Variants in BTD observed in about 807,000 individuals in gnomAD.
The protein encoded by BTD is biotinidase.
Under a neutral mutation model 17.7 loss-of-function variants are expected in BTD, and 13 were observed. The ratio of observed to expected loss-of-function variants is 0.74; its 90% CI spans 0.48 to 1.17. The LOEUF (loss-of-function observed/expected upper bound fraction) is 1.17, where lower values mean the gene tolerates loss of function less well. BTD is among the 50% of genes most tolerant of loss of function. BTD has a pLI of 0.00. For synonymous variants in BTD, 240 were observed against 245.2 expected (o/e 0.98, Z 0.20); for missense variants, 674 against 650.4 (o/e 1.04, Z -0.39).
At chr3:15,677,013 T>G in intron 3 of BTD, 1 of 1,613,420 alleles carries the variant, frequency 6.2e-7, no homozygotes, top group Non-Finnish European at 8.5e-7. Flanking sequence ...GAGGTTTCTA[T>G]CTGTTATCTT....
At chr3:15,717,273 C>T (rs902982840), downstream of BTD, among the ~76,000 whole-genome samples, 4 of 152,168 alleles carry the variant, frequency 2.6e-5, no homozygotes, top group African/African-American at 9.6e-5. Flanking sequence ...ACAACTGGGC[C>T]TGGTTAGAAT....
chr3:15,712,065 A>G (rs2072365955), exon 4 of BTD: 1 of 1,146,838 alleles, frequency 8.7e-7, no homozygotes, highest in African/African-American at 1.5e-5. Context: ...AATTTTTAAA[A>G]AGCAGGATAG....
intron 1 of BTD, among the ~76,000 whole-genome samples, chr3:15,613,628 G>GT (rs762295230): frequency 2.2e-4 from 33 of 150,590 alleles, no homozygotes; most frequent in Admixed American, 4.0e-4. Context: ...AATATAAGCA[G>GT]TTTTTTTTCA....
intron 3 of BTD, among the ~76,000 whole-genome samples, chr3:15,643,519 AGAATCTTTT>A (rs2065595402): frequency 6.6e-6 from 1 of 152,120 alleles, no homozygotes; most frequent in African/African-American, 2.4e-5. Context: ...AAGAAAAAGA[AGAATCTTTT>A]GAATTTTTGC....
chr3:15,661,265 C>CAA (rs56165902), intron 3 of BTD, among the ~76,000 whole-genome samples: 121 of 93,722 alleles, frequency 1.3e-3, no homozygotes, highest in African/African-American at 1.5e-3. Flanking sequence ...GACTCTGTCT[C>CAA]AAAAAAAAAA....
At chr3:15,625,591 C>G (rs2065046652) in intron 1 of BTD, among the ~76,000 whole-genome samples, 1 of 152,160 alleles carries the variant, frequency 6.6e-6, no homozygotes, top group Non-Finnish European at 1.5e-5. Context: ...GAGTCTCACT[C>G]TCATGCCAGG....
intron 1 of BTD, among the ~76,000 whole-genome samples, chr3:15,618,848 A>G (rs918324180): frequency 1.3e-5 from 2 of 152,174 alleles, no homozygotes; most frequent in Admixed American, 6.6e-5. Context: ...TTTAAATTTA[A>G]AAGTCCACTG....
chr3:15,694,206 T>C (rs1019373843), intron 3 of BTD, among the ~76,000 whole-genome samples: 17 of 120,662 alleles, frequency 1.4e-4, no homozygotes, highest in African/African-American at 2.0e-4. Context: ...CATTTAGTGA[T>C]TGACACTGAA....
intron 3 of BTD, chr3:15,677,402 A>AT (rs1476913435): frequency 1.9e-6 from 2 of 1,070,144 alleles, no homozygotes; most frequent in East Asian, 2.4e-5. Flanking sequence ...TGAGTTGTTC[A>AT]TTTTAGTGAA....
intron 3 of BTD, chr3:15,668,355 A>AT (rs879319232): frequency 0.026 from 3,748 of 145,088 alleles, 136 homozygotes; most frequent in African/African-American, 0.082. Context: ...AATCTGCTTG[A>AT]TTTTTTTTTT....
At chr3:15,694,291 A>G (rs908208472) in intron 3 of BTD, among the ~76,000 whole-genome samples, 10 of 152,204 alleles carry the variant, frequency 6.6e-5, no homozygotes, top group African/African-American at 2.4e-4. Context: ...GTGAGCAACT[A>G]AAGGACCAGT....
intron 3 of BTD, chr3:15,679,412 T>C (rs1371797157): frequency 6.2e-7 from 1 of 1,613,334 alleles, no homozygotes; most frequent in Admixed American, 1.7e-5. Context: ...GTGATCATTC[T>C]CACAGCAATG....
At position 15,644,250 on chromosome 3, in the gene BTD, T is replaced by C. The variant is rs2065624603; in HGVS notation, c.400-66T>C. ...CTCCTGACCTCATGATCCACCCGCC[T>C]CAGCCTCCCACAGTGCTGGGATTAC... On this transcript the variant is annotated intron_variant, in intron 3 of 3. Transcript: ENST00000643237. 9.9e-6 allele frequency: 15 copies of C among 1,519,570 alleles called. No individual in the cohort carries two copies. The South Asian group carries it at 1.3e-4, about 13-fold the overall frequency. The allele number at this position is 1,519,570 out of a possible 1,614,324, so 94.1% of individuals were successfully genotyped here. A position where few individuals can be genotyped will look rare whatever the true frequency, so the allele number is the denominator to read the frequency against.
intron 3 of BTD, among the ~76,000 whole-genome samples, chr3:15,666,869 C>T (rs1008497993): frequency 2.0e-5 from 3 of 152,218 alleles, no homozygotes; most frequent in African/African-American, 2.4e-5. Flanking sequence ...TCTTCCATGA[C>T]GCCTGTTCTG....
chr3:15,606,555 G>GA (rs1293894062), intron 1 of BTD: 1 of 152,210 alleles, frequency 6.6e-6, no homozygotes, highest in East Asian at 1.9e-4. Flanking sequence ...GAAGTGCAAT[G>GA]AAAACTGAAC....
Position 15,644,791 on chromosome 3 carries a change from G to A in BTD, c.875G>A (p.Gly292Asp), listed in dbSNP as rs377651057. 1.2e-6 allele frequency: 2 copies of A among 1,614,000 alleles called. No individual in the cohort carries two copies. Among genetic ancestry groups the A allele is most frequent in the Non-Finnish European group, 1.7e-6 (2 of 1,180,042 alleles). The change falls in exon 4 of 4, where the codon GGC (glycine) becomes GAC (aspartate). Residue 292 changes from glycine to aspartate, a missense_variant. Gly to Asp is a moderately conservative substitution (Grantham distance 94). Transcript: ENST00000643237. ...HHPVLGMTGS[G>D]IHTPLESFWY... is the part of the protein sequence containing the mutation. The stretch of plus-strand genomic sequence containing the variant: ...CCAGTTCTGGGGATGACAGGAAGTG[G>A]CATACACACCCCTCTGGAGTCCTTT...
At chr3:15,682,080 C>CA (rs1305641635) in intron 3 of BTD, among the ~76,000 whole-genome samples, 7 of 150,768 alleles carry the variant, frequency 4.6e-5, no homozygotes, top group Admixed American at 2.0e-4. Flanking sequence ...TGGGGTGACG[C>CA]AAAAAAAATA....
chr3:15,693,274 T>C (rs2069042446), intron 3 of BTD, among the ~76,000 whole-genome samples: 2 of 152,038 alleles, frequency 1.3e-5, no homozygotes, highest in East Asian at 1.9e-4. Context: ...TTTTCTACCA[T>C]TACCACCATA....
intron 1 of BTD, among the ~76,000 whole-genome samples, chr3:15,602,522 A>G (rs2064297300): frequency 6.6e-6 from 1 of 152,214 alleles, no homozygotes; most frequent in Admixed American, 6.5e-5. Flanking sequence ...TGGAGTCATT[A>G]GACCCTCTGC....
Sources: allele counts gnomAD v4.1 joint callset (sites outside exome capture counted in the v4.1 genomes callset), GRCh38; gene constraint gnomAD v4.1.1; transcripts MANE v1.5; gene names NCBI Gene and HGNC (gene_info 2026-07-23, HGNC 2026-07-21).